The following KALRN variants were observed in gnomAD, a reference collection of about 807,000 sequenced individuals.
KALRN encodes the protein kalirin.
A neutral mutation model predicts 353.7 loss-of-function variants in KALRN; 70 were observed. The ratio of observed to expected loss-of-function variants is 0.20; its 90% CI spans 0.16 to 0.24. The LOEUF (loss-of-function observed/expected upper bound fraction) is 0.24, where lower values mean the gene tolerates loss of function less well. KALRN is among the 10% of genes least tolerant of loss of function. The pLI is 1.00. For synonymous variants in KALRN, 1,391 were observed against 1,434.8 expected, an observed-to-expected ratio of 0.97 and a Z score of 0.69; for missense variants, 2,791 against 3,756.7, an observed-to-expected ratio of 0.74 and a Z score of 6.72.
chr3:124,163,591 A>C, intron 1 of KALRN: 1 of 985,024 alleles, frequency 1.0e-6, no homozygotes, highest in South Asian at 4.7e-5. Context: ...GACACATAAT[A>C]GGTTGAACAC....
At chr3:124,651,607 CA>C (rs1444711584) in intron 38 of KALRN, among the ~76,000 whole-genome samples, 1 of 151,432 alleles carries the variant, frequency 6.6e-6, no homozygotes, top group Non-Finnish European at 1.5e-5. Flanking sequence ...AGAACTCCTC[CA>C]AAACTTTCAT....
In KALRN at chr3:124,597,011, G is replaced by A. The variant is rs116915119; in HGVS notation, c.5182+33922G>A. Among the ~76,000 whole-genome samples the A allele has an allele frequency of 5.9e-3, 897 of 152,068 alleles. 9 individuals are homozygous for A. The highest frequency in any genetic ancestry group is 0.028 in the East Asian group (145 of 5,164). On this transcript the variant is annotated intron_variant, in intron 34 of 59. Transcript: ENST00000682506. ...TGCAGTGAGCCAAGTTTGTGCTATG[G>A]CACTCCAATCTAGGTGACAGAGCAA...
At chr3:124,251,945 T>C (rs2071235665) in intron 3 of KALRN, among the ~76,000 whole-genome samples, 1 of 152,202 alleles carries the variant, frequency 6.6e-6, no homozygotes, top group Admixed American at 6.5e-5. Flanking sequence ...TTGTTTTGTT[T>C]TTTAATAGTA....
intron 53 of KALRN, among the ~76,000 whole-genome samples, 166 bp from the exon 54 acceptor site, chr3:124,695,968 C>A (rs987650668): frequency 3.9e-5 from 6 of 152,078 alleles, no homozygotes; most frequent in African/African-American, 1.4e-4. Flanking sequence ...ATATAAGGAA[C>A]TGGGGATGTA....
At chr3:124,300,241 C>T (rs187754190) in intron 6 of KALRN, among the ~76,000 whole-genome samples, 5 of 152,276 alleles carry the variant, frequency 3.3e-5, no homozygotes, top group Non-Finnish European at 7.4e-5. Flanking sequence ...TGTTCACTGT[C>T]TAGCTAGAGA....
At chr3:124,255,850 G>A (rs12152377) in intron 3 of KALRN, among the ~76,000 whole-genome samples, 6,847 of 152,234 alleles carry the variant, frequency 0.045, 202 homozygotes, top group Non-Finnish European at 0.07. Context: ...TGGGGTTGGC[G>A]TGGGCAAGCA....
At chr3:124,360,790 A>G (rs927232650) in intron 10 of KALRN, among the ~76,000 whole-genome samples, 1 of 152,204 alleles carries the variant, frequency 6.6e-6, no homozygotes, top group African/African-American at 2.4e-5. Flanking sequence ...TGACACCGTG[A>G]GCAGGGTGGG....
intron 34 of KALRN, among the ~76,000 whole-genome samples, chr3:124,607,027 T>C (rs769526089): frequency 3.9e-5 from 6 of 152,240 alleles, no homozygotes; most frequent in Non-Finnish European, 8.8e-5. Flanking sequence ...TCTATAAAAA[T>C]TGAAAATGTG....
intron 42 of KALRN, among the ~76,000 whole-genome samples, chr3:124,659,008 C>T (rs746882675): frequency 1.3e-5 from 2 of 152,204 alleles, no homozygotes; most frequent in Non-Finnish European, 2.9e-5. Flanking sequence ...AGTTTAGGGC[C>T]TGGCTCCATA....
At chr3:124,140,596 G>C (rs1252720792) in intron 1 of KALRN, among the ~76,000 whole-genome samples, 1 of 152,214 alleles carries the variant, frequency 6.6e-6, no homozygotes, top group African/African-American at 2.4e-5. Flanking sequence ...CATGGCAAAG[G>C]CTAGATGACC....
intron 56 of KALRN, 150 bp from the exon 57 acceptor site, chr3:124,701,888 C>T (rs56078722): frequency 0.12 from 71,723 of 583,580 alleles, 5,272 homozygotes; most frequent in Middle Eastern, 0.17. Flanking sequence ...AAATAACATT[C>T]CAGAGAATCA....
At chr3:124,064,253 G>T (rs2042182846) in intron 1 of KALRN, among the ~76,000 whole-genome samples, 1 of 152,094 alleles carries the variant, frequency 6.6e-6, no homozygotes, top group Non-Finnish European at 1.5e-5. Context: ...AGCTCAGGAG[G>T]TGATTCTGAT....
At chr3:124,697,875 T>A in intron 55 of KALRN, 151 bp downstream of exon 55, 3 of 769,822 alleles carry the variant, frequency 3.9e-6, no homozygotes. Context: ...TTGCCCAGGC[T>A]GGTCTCAAAC....
chr3:124,536,206 T>TTC (rs2068502389), intron 33 of KALRN, among the ~76,000 whole-genome samples: 1 of 147,854 alleles, frequency 6.8e-6, no homozygotes, highest in African/African-American at 2.5e-5. Flanking sequence ...CTTTTTTTTT[T>TTC]TTTTTTTTTT....
At chr3:124,502,629 G>C (rs1333090558) in intron 33 of KALRN, among the ~76,000 whole-genome samples, 1 of 152,188 alleles carries the variant, frequency 6.6e-6, no homozygotes, top group Non-Finnish European at 1.5e-5. Context: ...AATGAAGGCA[G>C]TGATTTCTAC....
chr3:124,384,765 T>A, intron 10 of KALRN, 80 bp from the exon 11 acceptor site: 8 of 1,401,150 alleles, frequency 5.7e-6, no homozygotes, highest in Non-Finnish European at 7.8e-6. Context: ...GCCCCTCCGC[T>A]TCAGCTCCGG....
chr3:124,306,034 A>G (rs1382478509), intron 6 of KALRN, among the ~76,000 whole-genome samples: 4 of 152,206 alleles, frequency 2.6e-5, no homozygotes, highest in African/African-American at 4.8e-5. Context: ...GCATAATTAC[A>G]ATGTCCCCAT....
chr3:124,155,641 T>C (rs2068871252), intron 1 of KALRN, among the ~76,000 whole-genome samples: 1 of 152,234 alleles, frequency 6.6e-6, no homozygotes, highest in Non-Finnish European at 1.5e-5. Context: ...AGAAGATGGA[T>C]ATGGAGTGGA....
intron 33 of KALRN, among the ~76,000 whole-genome samples, chr3:124,502,394 T>C (rs1328897561): frequency 6.6e-6 from 1 of 151,978 alleles, no homozygotes; most frequent in African/African-American, 2.4e-5. Context: ...GTGTCGGTTG[T>C]GAGCTGTGAG....
Sources: gnomAD v4.1 joint callset for allele counts (sites outside exome capture counted in the v4.1 genomes callset) on GRCh38, gnomAD v4.1.1 for gene constraint, MANE v1.5 for transcripts, NCBI Gene and HGNC (gene_info 2026-07-23, HGNC 2026-07-21) for gene names.